The following DNAH10 variants were observed in gnomAD, a reference collection of about 807,000 sequenced individuals.
DNAH10 encodes axonemal beta dynein heavy chain 10.
In DNAH10, 348 loss-of-function variants were observed where a neutral mutation model predicts 506.6. That is an observed-to-expected ratio of 0.69 (90% CI 0.63 to 0.75). The LOEUF (loss-of-function observed/expected upper bound fraction) is 0.75. Ranked by LOEUF, DNAH10 falls within the 30% of genes least tolerant of loss-of-function variation. The pLI is 0.00. For missense variants in DNAH10, 5,179 were observed against 5,787.1 expected (o/e 0.89, Z 3.41); for synonymous variants, 2,059 against 2,198.6 (o/e 0.94, Z 1.78).
chr12:123,914,641 G>A, intron 61 of DNAH10, 91 bp downstream of exon 61: 3 of 1,454,198 alleles, frequency 2.1e-6, no homozygotes, highest in Admixed American at 2.2e-5. Flanking sequence ...CAATGGCCTG[G>A]GGGGCATCAC....
In DNAH10 at chr12:123,846,202, G is replaced by A. The variant is rs768814451; in HGVS notation, c.5814+48G>A. The A allele has an allele frequency of 4.5e-6, 7 of 1,570,918 alleles. No homozygotes were observed. The highest frequency in any genetic ancestry group is 6.0e-6 in the Non-Finnish European group (7 of 1,158,502). The stretch of plus-strand genomic sequence containing the variant: ...TGGTTACCACTTACCTTGGGGCGGG[G>A]CATTTTCTCTAAGCTTGAGGTGTGA... On this transcript the variant is annotated intron_variant, in intron 32 of 78. Coordinates refer to ENST00000673944, the MANE Select transcript of DNAH10 (RefSeq NM_001372106.1). The surrounding 1 kb of genome is among the most constrained non-coding windows in gnomAD (Gnocchi z 4.5).
intron 19 of DNAH10, 34 bp downstream of exon 19, chr12:123,808,987 C>T (rs747467153): frequency 1.9e-5 from 31 of 1,611,972 alleles, no homozygotes; most frequent in South Asian, 9.9e-5. Flanking sequence ...CTTGCTCAGA[C>T]GGCATCTCAG....
At position 123,853,915 on chromosome 12, in the gene DNAH10, TACGCACACGC is replaced by T. The variant is rs971777074; in HGVS notation, c.6438+576_6438+585del. Among the ~76,000 whole-genome samples, 62 of 143,722 alleles carry T rather than the reference TACGCACACGC, an allele frequency of 4.3e-4. No individual in the cohort carries two copies. The highest frequency in any genetic ancestry group is 1.6e-3 in the South Asian group (7 of 4,366). The allele number at this position is 143,722 out of a possible 152,430, so 94.3% of individuals were successfully genotyped here. A position where few individuals can be genotyped will look rare whatever the true frequency, so the allele number is the denominator to read the frequency against. On this transcript the variant is annotated intron_variant, in intron 36 of 78. Transcript: ENST00000673944. This position sits in a 1 kb window ranked among gnomAD's most constrained non-coding sequence, Gnocchi z 4.7. ...ACACGTACGCACGCACATGTACACA[TACGCACACGC>T]ACGCACACGCACACGCACACACACA... is the stretch of plus-strand genomic sequence containing the variant.
At chr12:123,820,002 G>T (rs949171532) in intron 23 of DNAH10, among the ~76,000 whole-genome samples, 9 of 152,122 alleles carry the variant, frequency 5.9e-5, no homozygotes, top group Admixed American at 2.0e-4. Flanking sequence ...ACTGAGCCGA[G>T]TCCTAAAATT....
At position 123,836,544 on chromosome 12, in the gene DNAH10, TG is replaced by T. The variant is rs373662269; in HGVS notation, c.4902+1018del. On this transcript the variant is annotated intron_variant, in intron 28 of 78. Transcript: ENST00000673944. ...GTCATCACAGTGACTGTAGTTAGTG[TG>T]GCTGGGATTTTAACCCAGCTCTCCT... Among the ~76,000 whole-genome samples the T allele has an allele frequency of 6.2e-4, 95 of 152,362 alleles. 1 individual carries two copies. Among genetic ancestry groups the T allele is most frequent in the African/African-American group, 1.6e-3 (68 of 41,580 alleles).
chr12:123,895,542 A>G (rs1400815640), intron 54 of DNAH10, among the ~76,000 whole-genome samples: 1 of 152,190 alleles, frequency 6.6e-6, no homozygotes, highest in Non-Finnish European at 1.5e-5. Context: ...GCAACTACTC[A>G]ATTCTGCCAT....
At chr12:123,848,981 T>G (rs760798958) in intron 34 of DNAH10, 99 bp downstream of exon 34, 4 of 1,388,642 alleles carry the variant, frequency 2.9e-6, no homozygotes, top group Admixed American at 4.6e-5. Flanking sequence ...CCGTTGACAC[T>G]CCAGACCAGG....
At position 123,881,793 on chromosome 12, in the gene DNAH10, G is replaced by A; in HGVS notation, c.8803G>A (p.Ala2935Thr). 4.0e-6 allele frequency: 6 copies of A among 1,513,378 alleles called. No individual in the cohort carries two copies. Among genetic ancestry groups the A allele is most frequent in the Non-Finnish European group, 5.3e-6 (6 of 1,130,662 alleles). The allele number at this position is 1,513,378 out of a possible 1,614,324, so 93.7% of individuals were successfully genotyped here. A position where few individuals can be genotyped will look rare whatever the true frequency, so the allele number is the denominator to read the frequency against. Residue 2935 changes from alanine (A) to threonine (T), a missense_variant, in exon 51 of 79, where the codon GCC becomes ACC. By Grantham distance (58) the Ala-to-Thr change is moderately conservative. Transcript: ENST00000673944. ...SGKQSLSRLAAFTASCEVFEI... is the reference protein window; with the variant it reads ...SGKQSLSRLATFTASCEVFEI... ...GAAGCAGTCTCTTTCGAGGCTGGCT[G>A]CCTTCACAGCCAGCTGTGAGGTCAG...
intron 39 of DNAH10, among the ~76,000 whole-genome samples, chr12:123,862,047 C>T (rs931871283): frequency 6.6e-6 from 1 of 152,184 alleles, no homozygotes; most frequent in African/African-American, 2.4e-5. Context: ...GCTGCTTCTT[C>T]ATAATTAGAT....
chr12:123,773,226 A>G (rs936225024), intron 4 of DNAH10, among the ~76,000 whole-genome samples: 5 of 152,250 alleles, frequency 3.3e-5, no homozygotes, highest in Admixed American at 6.5e-5. Flanking sequence ...TTCAGTGGGC[A>G]TATTTCTTGT....
chr12:123,839,641 A>C (rs1402928416), intron 29 of DNAH10, among the ~76,000 whole-genome samples: 1 of 147,156 alleles, frequency 6.8e-6, no homozygotes, highest in Non-Finnish European at 1.5e-5. Flanking sequence ...CCCCATTCAT[A>C]CTTCCTCTAT....
Position 123,873,567 on chromosome 12 carries a change from A to G in DNAH10, c.7795A>G (p.Met2599Val), listed in dbSNP as rs1430328212. ...TCTCTTTCTGCTTCAGATTGTGTTAATGGTCAACTTCTCCTCCCGCACCAC... is the reference window on the plus strand; with the variant it reads ...TCTCTTTCTGCTTCAGATTGTGTTAGTGGTCAACTTCTCCTCCCGCACCAC... ...NLSEETNIVLMVNFSSRTTSM... is the reference protein window; with the variant it reads ...NLSEETNIVLVVNFSSRTTSM... Residue 2599 changes from methionine to valine, a missense_variant, in exon 46 of 79, where the codon ATG (methionine) becomes GTG (valine). Around this residue, in one of 3 missense-constraint regions of DNAH10, gnomAD observed 4,844 missense variants for 5,430.5 expected, o/e 0.89. Coordinates refer to ENST00000673944, the MANE Select transcript of DNAH10 (RefSeq NM_001372106.1). 1.9e-6 allele frequency: 3 copies of G among 1,611,792 alleles called. No homozygotes were observed. Among genetic ancestry groups the G allele is most frequent in the Non-Finnish European group, 2.5e-6 (3 of 1,179,046 alleles).
chr12:123,767,766 G>A (rs192338526), intron 2 of DNAH10, 77 bp downstream of exon 2: 25 of 1,253,156 alleles, frequency 2.0e-5, no homozygotes, highest in African/African-American at 5.9e-5. Flanking sequence ...GCTGCCTGCC[G>A]TGCCACAATC....
intron 24 of DNAH10, among the ~76,000 whole-genome samples, chr12:123,822,373 T>A (rs1337656388): frequency 3.3e-5 from 5 of 152,156 alleles, no homozygotes. Flanking sequence ...GAGTCATGTT[T>A]GCCCGTTCCT....
chr12:123,896,750 C>T (rs948044499), intron 54 of DNAH10, among the ~76,000 whole-genome samples: 2 of 150,738 alleles, frequency 1.3e-5, no homozygotes, highest in Non-Finnish European at 2.9e-5. Flanking sequence ...AGGATTAGCA[C>T]GGATCACTGC....
intron 21 of DNAH10, 60 bp downstream of exon 21, chr12:123,813,972 T>C (rs1201925268): frequency 1.5e-5 from 22 of 1,464,194 alleles, no homozygotes; most frequent in African/African-American, 2.8e-5. Context: ...AACGACCCTT[T>C]TCAGAAATGC....
intron 46 of DNAH10, among the ~76,000 whole-genome samples, chr12:123,874,831 G>C (rs1477800826): frequency 2.0e-5 from 3 of 151,908 alleles, no homozygotes; most frequent in Non-Finnish European, 4.4e-5. Flanking sequence ...CACCCCCTGG[G>C]TGGCACTGCA....
At position 123,935,488 on chromosome 12, in the gene DNAH10, G is replaced by C. The variant is rs1347009022; in HGVS notation, c.*7G>C. 3.2e-6 allele frequency: 5 copies of C among 1,575,368 alleles called. No homozygotes were observed. The South Asian group carries it at 5.6e-5, about 18-fold the overall frequency. On this transcript the variant is annotated 3_prime_UTR_variant, in exon 79 of 79. Transcript: ENST00000673944. ...CACCCTGAATTCTGATTAACCTTTG[G>C]GTGAAGAAAACTGCTTAATGAATTC...
At chr12:123,898,625 G>A (rs752188600) in intron 55 of DNAH10, 28 bp from the exon 56 acceptor site, 9 of 1,482,728 alleles carry the variant, frequency 6.1e-6, no homozygotes, top group East Asian at 2.6e-5. Flanking sequence ...CCACCTCGAC[G>A]ATGAACATAG....
Sources: gnomAD v4.1 joint callset for allele counts (sites outside exome capture counted in the v4.1 genomes callset) on GRCh38, gnomAD v4.1.1 for gene constraint, gnomAD v4.1.1 regional missense constraint, Gnocchi (gnomAD v3.1) non-coding constraint, MANE v1.5 for transcripts, NCBI Gene and HGNC (gene_info 2026-07-23, HGNC 2026-07-21) for gene names.